The following TGFA variants were observed in gnomAD, a reference collection of about 807,000 sequenced individuals.
The protein encoded by TGFA is transforming growth factor alpha, also known as protransforming growth factor alpha.
A neutral mutation model predicts 21.7 loss-of-function variants in TGFA; 12 were observed. That is an observed-to-expected ratio of 0.55 (90% CI 0.35 to 0.90). TGFA has a LOEUF of 0.90. Ranked by LOEUF, TGFA falls within the 40% of genes least tolerant of loss-of-function variation. TGFA has a pLI of 0.01. For synonymous variants in TGFA, 79 were observed against 88.1 expected (o/e 0.90, Z 0.58); for missense variants, 178 against 210.8 (o/e 0.84, Z 0.96).
chr2:70,453,077 AC>A (rs869133206), intron 5 of TGFA, 140 bp downstream of exon 5: 3 of 750,934 alleles, frequency 4.0e-6, no homozygotes, highest in Non-Finnish European at 6.4e-6. Flanking sequence ...AATAAACTAA[AC>A]CTGACTTGGT....
intron 2 of TGFA, among the ~76,000 whole-genome samples, chr2:70,473,010 AT>A (rs1553493551): frequency 6.6e-6 from 1 of 152,206 alleles, no homozygotes; most frequent in Non-Finnish European, 1.5e-5. Flanking sequence ...CAGTAGATTA[AT>A]TTAGTAAAGA....
At chr2:70,493,928 T>C (rs1671506154) in intron 2 of TGFA, among the ~76,000 whole-genome samples, 1 of 152,240 alleles carries the variant, frequency 6.6e-6, no homozygotes, top group African/African-American at 2.4e-5. Context: ...TTCCCATTGC[T>C]GCTATAACAG....
intron 2 of TGFA, among the ~76,000 whole-genome samples, chr2:70,483,054 A>G (rs782127302): frequency 6.6e-6 from 1 of 152,232 alleles, no homozygotes; most frequent in Non-Finnish European, 1.5e-5. Flanking sequence ...CAACTAGCCA[A>G]CTGTGAACTC....
rs1670029489 is a variant in TGFA, at chr2:70,450,782, TG to T, written c.*76del. 1 of 1,539,568 alleles carries T rather than the reference TG, an allele frequency of 6.5e-7. No individual in the cohort carries two copies. The highest frequency in any genetic ancestry group is 1.4e-5 in the African/African-American group (1 of 73,954). ...GGTCTGTGGCACACCCAGGCATCTC[TG>T]GCAGTGCTGTCCTGAAGAAGCCTTT... On this transcript the variant is annotated 3_prime_UTR_variant, in exon 6 of 6. Transcript: ENST00000295400.
chr2:70,551,488 G>C (rs1231686482), intron 1 of TGFA, among the ~76,000 whole-genome samples: 2 of 152,190 alleles, frequency 1.3e-5, no homozygotes, highest in Non-Finnish European at 2.9e-5. Flanking sequence ...AGGTTTCCTA[G>C]ATCTCGGGTA....
At chr2:70,476,900 T>C (rs1430128328) in intron 2 of TGFA, among the ~76,000 whole-genome samples, 1 of 152,230 alleles carries the variant, frequency 6.6e-6, no homozygotes, top group Non-Finnish European at 1.5e-5. Context: ...TGATTTTGCT[T>C]GTCCTTAGAT....
intron 1 of TGFA, among the ~76,000 whole-genome samples, chr2:70,546,038 A>G (rs1274013241): frequency 2.0e-5 from 3 of 152,204 alleles, no homozygotes; most frequent in Non-Finnish European, 4.4e-5. Context: ...TTTTTCTCCA[A>G]TCAACTTGGC....
chr2:70,503,991 C>T (rs908383858), intron 2 of TGFA, among the ~76,000 whole-genome samples: 11 of 152,132 alleles, frequency 7.2e-5, no homozygotes, highest in Admixed American at 1.3e-4. Context: ...AGTCAATTCA[C>T]GAAAAGACTC....
chr2:70,486,131 C>T (rs1408123130), intron 2 of TGFA, among the ~76,000 whole-genome samples: 2 of 152,230 alleles, frequency 1.3e-5, no homozygotes, highest in East Asian at 3.8e-4. Flanking sequence ...TTTTCCCTCA[C>T]CTACCCACTT....
intron 3 of TGFA, among the ~76,000 whole-genome samples, chr2:70,464,126 C>T (rs2103692868): frequency 6.6e-6 from 1 of 152,354 alleles, no homozygotes; most frequent in South Asian, 2.1e-4. Flanking sequence ...ACCACACCGC[C>T]TACTGCAGCA....
chr2:70,533,633 T>TTAA (rs1672885087), intron 1 of TGFA, among the ~76,000 whole-genome samples: 1 of 152,186 alleles, frequency 6.6e-6, no homozygotes, highest in African/African-American at 2.4e-5. Context: ...AGGCTGCTGG[T>TTAA]CTTGTTAACT....
At chr2:70,486,591 A>G (rs1308774703) in intron 2 of TGFA, among the ~76,000 whole-genome samples, 1 of 151,816 alleles carries the variant, frequency 6.6e-6, no homozygotes, top group Non-Finnish European at 1.5e-5. Flanking sequence ...CCTCCCAAGT[A>G]GCTGGGACTA....
At chr2:70,472,741 C>G (rs1052320140) in intron 2 of TGFA, among the ~76,000 whole-genome samples, 3 of 152,250 alleles carry the variant, frequency 2.0e-5, no homozygotes, top group Admixed American at 1.3e-4. Flanking sequence ...CGGGAGCCGG[C>G]TGAGCCTGTG....
chr2:70,477,788 G>C (rs1670983256), intron 2 of TGFA, among the ~76,000 whole-genome samples: 1 of 152,160 alleles, frequency 6.6e-6, no homozygotes, highest in African/African-American at 2.4e-5. Flanking sequence ...TAAGCACATG[G>C]AAAGAAGTCT....
chr2:70,532,198 T>A (rs1376256502), intron 1 of TGFA, among the ~76,000 whole-genome samples: 1 of 152,196 alleles, frequency 6.6e-6, no homozygotes, highest in Non-Finnish European at 1.5e-5. Flanking sequence ...ACAGACCAGT[T>A]GAAAGCGACG....
chr2:70,514,002 G>T (rs75520173), intron 2 of TGFA, among the ~76,000 whole-genome samples: 3,911 of 152,284 alleles, frequency 0.026, 175 homozygotes, highest in African/African-American at 0.09. Context: ...GGAGACACAT[G>T]CTGAGGAAAG....
chr2:70,496,990 C>A (rs1160752463), intron 2 of TGFA, among the ~76,000 whole-genome samples: 1 of 152,212 alleles, frequency 6.6e-6, no homozygotes, highest in African/African-American at 2.4e-5. Context: ...TGGTGAAGCA[C>A]ATCTGAGACC....
intron 4 of TGFA, 76 bp from the exon 5 acceptor site, chr2:70,453,403 G>A (rs1559095796): frequency 7.6e-7 from 1 of 1,319,200 alleles, no homozygotes; most frequent in Non-Finnish European, 1.1e-6. Flanking sequence ...CTGCCCTAGG[G>A]GCCTGCTGGG....
At chr2:70,451,271 C>A (rs1429368193) in intron 5 of TGFA, among the ~76,000 whole-genome samples, 1 of 152,156 alleles carries the variant, frequency 6.6e-6, no homozygotes, top group Non-Finnish European at 1.5e-5. Flanking sequence ...CAAGAATGGA[C>A]CCATTTATTT....
Sources: allele counts gnomAD v4.1 joint callset (sites outside exome capture counted in the v4.1 genomes callset), GRCh38; gene constraint gnomAD v4.1.1; transcripts MANE v1.5; gene names NCBI Gene and HGNC (gene_info 2026-07-23, HGNC 2026-07-21).